The following CCDC88A variants were observed in gnomAD, a reference collection of about 807,000 sequenced individuals.
The protein encoded by CCDC88A is girdin.
Under a neutral mutation model 234.3 loss-of-function variants are expected in CCDC88A, and 54 were observed. The observed-to-expected ratio is 0.23, with a 90% CI of 0.19 to 0.29. The LOEUF is 0.29. CCDC88A is among the 10% of genes least tolerant of loss of function. CCDC88A has a pLI of 1.00. For missense variants in CCDC88A, 1,832 were observed against 2,123.4 expected (o/e 0.86, Z 2.70); for synonymous variants, 753 against 737.8 (o/e 1.02, Z -0.33).
intron 3 of CCDC88A, among the ~76,000 whole-genome samples, chr2:55,381,016 T>C (rs1392748441): frequency 2.0e-5 from 3 of 152,200 alleles, no homozygotes; most frequent in East Asian, 3.8e-4. Context: ...ATATATATGA[T>C]GGTGGTCACA....
At chr2:55,375,489 ATATATATATATATATATATATATG>A (rs1673501063) in intron 3 of CCDC88A, among the ~76,000 whole-genome samples, 3 of 35,096 alleles carry the variant, frequency 8.5e-5, no homozygotes, top group South Asian at 7.8e-4. Context: ...ATATATATAT[ATATATATATATATATATATATATG>A]TATGTATGTA....
chr2:55,363,825 G>A, intron 6 of CCDC88A, 125 bp downstream of exon 6: 2 of 535,220 alleles, frequency 3.7e-6, no homozygotes, highest in Non-Finnish European at 6.5e-6. Flanking sequence ...TATAAAAGCA[G>A]GGTCCATCTA....
chr2:55,406,258 A>G (rs866953485), intron 2 of CCDC88A: 18 of 152,212 alleles, frequency 1.2e-4, no homozygotes, highest in African/African-American at 3.9e-4. Context: ...GATATGAAAT[A>G]AGGAGTTGGG....
At chr2:55,294,385 T>C in intron 31 of CCDC88A, 1 of 956,596 alleles carries the variant, frequency 1.0e-6, no homozygotes, top group Non-Finnish European at 1.2e-6. Context: ...TTGATGGGGT[T>C]TTCTAAGAAT....
At chr2:55,326,680 A>G (rs1271744075) in intron 17 of CCDC88A, among the ~76,000 whole-genome samples, 1 of 152,120 alleles carries the variant, frequency 6.6e-6, no homozygotes, top group Non-Finnish European at 1.5e-5. Flanking sequence ...CTCCTGCCTC[A>G]GCCTCCTGGG....
At chr2:55,318,314 A>G (rs1414641906) in intron 19 of CCDC88A, among the ~76,000 whole-genome samples, 3 of 152,186 alleles carry the variant, frequency 2.0e-5, no homozygotes, top group Admixed American at 2.0e-4. Context: ...GAAAAGGGTT[A>G]CAGAAAGAAG....
At chr2:55,417,017 G>A (rs1681606785) in intron 2 of CCDC88A, 2 of 151,730 alleles carry the variant, frequency 1.3e-5, no homozygotes, top group African/African-American at 2.4e-5. Flanking sequence ...TACAGAAGCA[G>A]ATTTGTGGTT....
At chr2:55,331,687 T>A (rs1684928361) in intron 16 of CCDC88A, 1 of 152,226 alleles carries the variant, frequency 6.6e-6, no homozygotes, top group African/African-American at 2.4e-5. Flanking sequence ...TTTGATAGAT[T>A]GTAATTACCA....
chr2:55,328,144 G>C lies in CCDC88A; in HGVS notation c.2997+150C>G. ...TACCATATTCATATGACAGAGATCT[G>C]TTTAAGAATATTCTCAAGTTTATGA... On this transcript the variant is annotated intron_variant, in intron 17 of 32. Coordinates refer to ENST00000436346, the MANE Select transcript of CCDC88A (RefSeq NM_001365480.1). This position sits in a 1 kb window ranked among gnomAD's most constrained non-coding sequence, Gnocchi z 4.3. 4.6e-6 allele frequency: 3 copies of C among 647,380 alleles called. No homozygotes were observed. The highest frequency in any genetic ancestry group is 7.7e-6 in the Non-Finnish European group (3 of 387,554). The allele number at this position is 647,380 out of a possible 1,614,324, so 40.1% of individuals were successfully genotyped here.
intron 3 of CCDC88A, among the ~76,000 whole-genome samples, chr2:55,379,596 CAAGT>C (rs924590284): frequency 3.3e-5 from 5 of 152,094 alleles, no homozygotes; most frequent in Admixed American, 6.6e-5. Flanking sequence ...GACAATAAAA[CAAGT>C]AAGTGTTTTT....
At chr2:55,382,465 G>A (rs1257001997) in intron 3 of CCDC88A, among the ~76,000 whole-genome samples, 2 of 151,986 alleles carry the variant, frequency 1.3e-5, no homozygotes, top group Non-Finnish European at 2.9e-5. Context: ...TTCAAACTGC[G>A]GCCAATATAG....
chr2:55,350,495 T>C (rs1052647594), intron 8 of CCDC88A: 3 of 151,914 alleles, frequency 2.0e-5, no homozygotes, highest in African/African-American at 7.3e-5. Flanking sequence ...CTCCACTTAC[T>C]ATCTCTACTT....
At chr2:55,387,114 T>C (rs995198976) in intron 3 of CCDC88A, among the ~76,000 whole-genome samples, 3 of 139,786 alleles carry the variant, frequency 2.1e-5, no homozygotes, top group Admixed American at 1.6e-4. Flanking sequence ...GAGGCGGAAG[T>C]TGCAGTGAGC....
At position 55,379,038 on chromosome 2, in the gene CCDC88A, G is replaced by A. The variant is rs555808381; in HGVS notation, c.274-4155C>T. 2.0e-4 allele frequency among the ~76,000 whole-genome samples: 31 copies of A among 152,222 alleles called. 1 individual carries two copies. The highest frequency in any genetic ancestry group is 5.2e-4 in the Admixed American group (8 of 15,286). On this transcript the variant is annotated intron_variant, in intron 3 of 32. Transcript: ENST00000436346. ...AAGGATTACAGGCATGAACCACTGC[G>A]CCCGGCCTGGATTCTAGCTATATTT... is the stretch of plus-strand genomic sequence containing the variant.
chr2:55,353,963 T>G (rs1193244953), intron 8 of CCDC88A, among the ~76,000 whole-genome samples: 2 of 152,160 alleles, frequency 1.3e-5, no homozygotes, highest in African/African-American at 2.4e-5. Context: ...TAGATGGTAA[T>G]AGCCTACTAT....
intron 13 of CCDC88A, among the ~76,000 whole-genome samples, chr2:55,338,001 A>G (rs1003523590): frequency 7.9e-5 from 12 of 152,224 alleles, no homozygotes; most frequent in Admixed American, 7.2e-4. Context: ...AGATGGAAAT[A>G]TAAGAATAAC....
At chr2:55,319,245 CATT>C (rs1469756821) in intron 18 of CCDC88A, among the ~76,000 whole-genome samples, 2 of 152,094 alleles carry the variant, frequency 1.3e-5, no homozygotes, top group African/African-American at 4.8e-5. Context: ...GTCTTGTCTG[CATT>C]ATAATATCCT....
chr2:55,355,762 A>G lies in CCDC88A; in HGVS notation c.628-11T>C. 1.3e-6 allele frequency: 2 copies of G among 1,599,926 alleles called. No individual in the cohort carries two copies. Among genetic ancestry groups the G allele is most frequent in the Non-Finnish European group, 1.7e-6 (2 of 1,168,276 alleles). On this transcript the variant is annotated splice_polypyrimidine_tract_variant and intron_variant, in intron 7 of 32. Transcript: ENST00000436346. ...GAGTTCTATGATAGTCTAGAAATAC[A>G]CACAGAATCACTTTCAGTATTCTAC...
chr2:55,375,469 CTATATATATA>C (rs869279076), intron 3 of CCDC88A, among the ~76,000 whole-genome samples: 289 of 26,592 alleles, frequency 0.011, 4 homozygotes, highest in African/African-American at 0.022. Context: ...TGTCACTGTA[CTATATATATA>C]TATATATATA....
Sources: gnomAD v4.1 joint callset for allele counts (sites outside exome capture counted in the v4.1 genomes callset) on GRCh38, gnomAD v4.1.1 for gene constraint, Gnocchi (gnomAD v3.1) non-coding constraint, MANE v1.5 for transcripts, NCBI Gene and HGNC (gene_info 2026-07-23, HGNC 2026-07-21) for gene names.